Variants in CAPS2 observed in about 807,000 individuals in gnomAD.
CAPS2 encodes the protein calcyphosine 2.
In CAPS2, 98 loss-of-function variants were observed where a neutral mutation model predicts 86.5. The observed-to-expected ratio is 1.13, with a 90% CI of 0.96 to 1.34. The LOEUF is 1.34. Ranked by LOEUF, CAPS2 falls within the 40% of genes most tolerant of loss-of-function variation. The probability of loss-of-function intolerance (pLI) is 0.00; values close to 1 mark genes in which losing one functional copy is unlikely to be tolerated. For synonymous variants in CAPS2, 210 were observed against 225.1 expected, an observed-to-expected ratio of 0.93 and a Z score of 0.60; for missense variants, 729 against 686.8, an observed-to-expected ratio of 1.06 and a Z score of -0.69.
chr12:75,338,535 T>A (rs2041884870), intron 1 of CAPS2, among the ~76,000 whole-genome samples: 1 of 152,112 alleles, frequency 6.6e-6, no homozygotes, highest in Non-Finnish European at 1.5e-5. Context: ...TTCCTGTAGG[T>A]TTTTTTAATA....
At chr12:75,348,905 A>T (rs1180751872) in intron 1 of CAPS2, among the ~76,000 whole-genome samples, 1 of 152,184 alleles carries the variant, frequency 6.6e-6, no homozygotes, top group Non-Finnish European at 1.5e-5. Context: ...TTAGCCCTAT[A>T]ATTCCCCCAG....
chr12:75,347,775 T>C, intron 1 of CAPS2: 1 of 1,243,124 alleles, frequency 8.0e-7, no homozygotes, highest in Non-Finnish European at 1.2e-6. Flanking sequence ...TTGATGATGG[T>C]TGCCAAATAA....
intron 1 of CAPS2, chr12:75,361,066 C>G (rs1021494122): frequency 3.3e-5 from 5 of 152,088 alleles, no homozygotes; most frequent in Admixed American, 6.6e-5. Flanking sequence ...GAGAAACTCT[C>G]AACAAAGAGA....
At chr12:75,334,798 A>G (rs919591125), upstream of CAPS2, 2 of 1,614,118 alleles carry the variant, frequency 1.2e-6, no homozygotes, top group Non-Finnish European at 1.7e-6. Context: ...TACATCTTCC[A>G]AAATCCCATC....
intron 1 of CAPS2, among the ~76,000 whole-genome samples, chr12:75,350,729 G>A (rs569250642): frequency 6.6e-6 from 1 of 152,292 alleles, no homozygotes; most frequent in East Asian, 1.9e-4. Context: ...ATAAACCCTT[G>A]AAGATGAGAA....
intron 7 of CAPS2, among the ~76,000 whole-genome samples, chr12:75,308,724 G>A (rs928313481): frequency 1.3e-5 from 2 of 151,966 alleles, no homozygotes; most frequent in Non-Finnish European, 2.9e-5. Flanking sequence ...AGAACAGAAT[G>A]AGTAAAAGCA....
intron 1 of CAPS2, chr12:75,371,122 A>G (rs1167606867): frequency 6.6e-6 from 1 of 152,642 alleles, no homozygotes; most frequent in Non-Finnish European, 1.5e-5. Flanking sequence ...AGAAGCAAGG[A>G]AGCCAGCAGT....
intron 1 of CAPS2, among the ~76,000 whole-genome samples, chr12:75,378,351 C>G (rs942449569): frequency 1.3e-5 from 2 of 152,082 alleles, no homozygotes; most frequent in Non-Finnish European, 2.9e-5. Flanking sequence ...TTTAAGTCTG[C>G]TTACATCTGT....
chr12:75,318,263 G>C (rs2039973242), intron 5 of CAPS2: 1 of 152,138 alleles, frequency 6.6e-6, no homozygotes. Flanking sequence ...TTCCAAGTCT[G>C]AAGCTACCAT....
chr12:75,346,670 A>T (rs1164702760), intron 1 of CAPS2, among the ~76,000 whole-genome samples: 2 of 152,056 alleles, frequency 1.3e-5, no homozygotes, highest in East Asian at 3.9e-4. Flanking sequence ...TTAAGTTCTC[A>T]GTTCACTTTG....
intron 16 of CAPS2, among the ~76,000 whole-genome samples, chr12:75,281,261 T>G (rs192170306): frequency 8.2e-4 from 125 of 151,958 alleles, no homozygotes; most frequent in African/African-American, 3.0e-3. Context: ...ATTCTAGGTA[T>G]TAATATCACT....
chr12:75,284,886 T>G, intron 15 of CAPS2, 75 bp downstream of exon 15: 1 of 1,306,528 alleles, frequency 7.7e-7, no homozygotes, highest in Non-Finnish European at 1.0e-6. Context: ...AAATGGTAAT[T>G]CATTAAAGTT....
intron 1 of CAPS2, among the ~76,000 whole-genome samples, chr12:75,338,491 A>G (rs773254301): frequency 2.3e-4 from 35 of 152,154 alleles, no homozygotes; most frequent in Non-Finnish European, 4.9e-4. Flanking sequence ...AAAACTCTGC[A>G]TCAATTCCTT....
intron 1 of CAPS2, among the ~76,000 whole-genome samples, chr12:75,345,206 G>A (rs376082852): frequency 4.2e-4 from 64 of 151,878 alleles, no homozygotes; most frequent in Non-Finnish European, 5.9e-4. Flanking sequence ...AACTTCTCCT[G>A]AGCCATAATC....
At chr12:75,357,197 A>G (rs2043211025) in intron 1 of CAPS2, among the ~76,000 whole-genome samples, 1 of 152,174 alleles carries the variant, frequency 6.6e-6, no homozygotes, top group African/African-American at 2.4e-5. Flanking sequence ...CGCTAAATAA[A>G]TAAATAAATG....
chr12:75,345,537 C>A (rs1278658199), intron 1 of CAPS2, among the ~76,000 whole-genome samples: 1 of 152,084 alleles, frequency 6.6e-6, no homozygotes, highest in Non-Finnish European at 1.5e-5. Flanking sequence ...GCAACTTGTT[C>A]TTATCAGAGG....
At chr12:75,279,440 A>G (rs965360063) in intron 16 of CAPS2, among the ~76,000 whole-genome samples, 11 of 152,000 alleles carry the variant, frequency 7.2e-5, no homozygotes, top group Non-Finnish European at 1.6e-4. Context: ...AGGGTCAAAA[A>G]TTTCTATGTG....
At chr12:75,277,778 T>C (rs1354131257) in exon 17 of CAPS2, 1 of 794,650 alleles carries the variant, frequency 1.3e-6, no homozygotes, top group Non-Finnish European at 1.5e-6. Flanking sequence ...ATTTATGTTA[T>C]ATTAACATAG....
chr12:75,300,282 C>T (rs7301716), intron 8 of CAPS2, among the ~76,000 whole-genome samples: 50,314 of 151,828 alleles, frequency 0.33, 9,198 homozygotes, highest in East Asian at 0.48. Flanking sequence ...AGCGGCCGGG[C>T]GCGGTGGCTC....
Sources: gnomAD v4.1 joint callset for allele counts (sites outside exome capture counted in the v4.1 genomes callset) on GRCh38, gnomAD v4.1.1 for gene constraint, MANE v1.5 for transcripts, NCBI Gene and HGNC (gene_info 2026-07-23, HGNC 2026-07-21) for gene names.